Variants in LRRIQ1 observed in about 807,000 individuals in gnomAD.
The protein encoded by LRRIQ1 is leucine rich repeats and IQ motif containing 1, also known as leucine-rich repeat- and IQ domain-containing protein 1.
In LRRIQ1, 210 loss-of-function variants were observed where a neutral mutation model predicts 211.9. The observed-to-expected ratio is 0.99, with a 90% confidence interval of 0.89 to 1.11. LRRIQ1 has a LOEUF of 1.11. Among genes scored for constraint, LRRIQ1 ranks in the 50% most tolerant of loss-of-function variants. LRRIQ1 has a pLI of 0.00. For synonymous variants in LRRIQ1, 699 were observed against 650.1 expected, an observed-to-expected ratio of 1.08 and a Z score of -1.14; for missense variants, 2,136 against 1,939.5, an observed-to-expected ratio of 1.10 and a Z score of -1.90.
At chr12:85,163,234 C>T (rs1890988105) in intron 24 of LRRIQ1, among the ~76,000 whole-genome samples, 1 of 152,130 alleles carries the variant, frequency 6.6e-6, no homozygotes, top group South Asian at 2.1e-4. Context: ...ATACAATGAA[C>T]TCTACTATAT....
intron 24 of LRRIQ1, among the ~76,000 whole-genome samples, chr12:85,174,377 C>T (rs1312012684): frequency 3.3e-5 from 5 of 151,674 alleles, no homozygotes; most frequent in African/African-American, 7.3e-5. Context: ...AGACTCAGTT[C>T]AGGAGGTCCA....
At chr12:85,272,127 C>T in the LRRIQ1 span, among the ~76,000 whole-genome samples, 1 of 152,060 alleles carries the variant, frequency 6.6e-6, no homozygotes, top group Non-Finnish European at 1.5e-5. Context: ...TAGAGATGCC[C>T]AAAGAAGCTA....
downstream of LRRIQ1, among the ~76,000 whole-genome samples, chr12:85,249,031 A>G (rs1895820379): frequency 6.6e-6 from 1 of 151,812 alleles, no homozygotes; most frequent in Non-Finnish European, 1.5e-5. Context: ...TGTTTTAGAA[A>G]ACTAAACTAT....
downstream of LRRIQ1, among the ~76,000 whole-genome samples, chr12:85,266,173 G>A (rs1038201516): frequency 2.0e-5 from 3 of 151,996 alleles, no homozygotes; most frequent in African/African-American, 7.2e-5. Context: ...TAAGAAATAG[G>A]ATTAGCCCCT....
downstream of LRRIQ1, among the ~76,000 whole-genome samples, chr12:85,267,979 T>A (rs1896459486): frequency 6.6e-6 from 1 of 151,954 alleles, no homozygotes. Context: ...GCCCCTGGCC[T>A]AATATCTTGA....
chr12:85,145,221 A>G (rs956142944), intron 19 of LRRIQ1, among the ~76,000 whole-genome samples: 14 of 151,786 alleles, frequency 9.2e-5, no homozygotes, highest in Non-Finnish European at 1.9e-4. Flanking sequence ...AGTTTAGGGA[A>G]TATCAGAAAT....
At chr12:85,265,566 C>T (rs905807549), downstream of LRRIQ1, among the ~76,000 whole-genome samples, 3 of 151,848 alleles carry the variant, frequency 2.0e-5, no homozygotes, top group East Asian at 1.9e-4. Context: ...AGGCCCTTTC[C>T]GAGCACTGAA....
intron 24 of LRRIQ1, chr12:85,162,908 C>A (rs1475356410): frequency 2.6e-6 from 1 of 385,140 alleles, no homozygotes; most frequent in Non-Finnish European, 5.0e-6. Context: ...ATAGGCTTGG[C>A]AAAAACAGTT....
chr12:85,247,586 G>T (rs959042631), downstream of LRRIQ1, among the ~76,000 whole-genome samples: 1 of 151,514 alleles, frequency 6.6e-6, no homozygotes, highest in African/African-American at 2.4e-5. Context: ...TCTGTAAAAT[G>T]GGAATAGTAA....
At chr12:85,037,871 C>T (rs987418124) in intron 1 of LRRIQ1, among the ~76,000 whole-genome samples, 1 of 151,644 alleles carries the variant, frequency 6.6e-6, no homozygotes, top group Non-Finnish European at 1.5e-5. Flanking sequence ...ATAACTGAAA[C>T]AAAAATTTTA....
intron 15 of LRRIQ1, among the ~76,000 whole-genome samples, chr12:85,120,009 T>C (rs1887859451): frequency 6.6e-6 from 1 of 152,210 alleles, no homozygotes; most frequent in African/African-American, 2.4e-5. Context: ...TAGAAAATTT[T>C]AATTTTAATG....
chr12:85,042,234 C>A (rs949305601), intron 3 of LRRIQ1, among the ~76,000 whole-genome samples: 7 of 151,564 alleles, frequency 4.6e-5, no homozygotes, highest in African/African-American at 1.7e-4. Flanking sequence ...TTGTATATAA[C>A]TCTAACCTAA....
intron 24 of LRRIQ1, among the ~76,000 whole-genome samples, chr12:85,174,593 T>C (rs1891588653): frequency 6.7e-6 from 1 of 149,564 alleles, no homozygotes; most frequent in Non-Finnish European, 1.5e-5. Flanking sequence ...TCCCAGCTAC[T>C]TGGGACGCTG....
At position 85,052,169 on chromosome 12, in the gene LRRIQ1, A is replaced by G; in HGVS notation, c.679-8A>G. On this transcript the variant is annotated splice_polypyrimidine_tract_variant and splice_region_variant and intron_variant, in intron 6 of 26. Coordinates refer to ENST00000393217, the MANE Select transcript of LRRIQ1 (RefSeq NM_001079910.2). ...GTATAGTCATATTTATTATTATCAT[A>G]TGTTCAGCAAGAACAGGACAAGATG... The G allele has an allele frequency of 1.4e-6, 2 of 1,436,208 alleles. No individual in the cohort carries two copies. The highest frequency in any genetic ancestry group is 1.9e-6 in the Non-Finnish European group (2 of 1,051,154). The allele number at this position is 1,436,208 out of a possible 1,614,324, so 89.0% of individuals were successfully genotyped here. A position where few individuals can be genotyped will look rare whatever the true frequency, so the allele number is the denominator to read the frequency against.
At chr12:85,183,396 CATTTTA>C (rs1196393458) in intron 24 of LRRIQ1, among the ~76,000 whole-genome samples, 2 of 151,924 alleles carry the variant, frequency 1.3e-5, no homozygotes, top group Non-Finnish European at 2.9e-5. Flanking sequence ...AAAAAAAAAT[CATTTTA>C]ATTATCAATA....
downstream of LRRIQ1, among the ~76,000 whole-genome samples, chr12:85,246,321 C>G (rs969253362): frequency 6.6e-6 from 1 of 150,854 alleles, no homozygotes; most frequent in Non-Finnish European, 1.5e-5. Flanking sequence ...ATTTCAAAAT[C>G]TTTATTCCAT....
At chr12:85,119,151 G>A (rs1218813735) in intron 15 of LRRIQ1, among the ~76,000 whole-genome samples, 1 of 152,038 alleles carries the variant, frequency 6.6e-6, no homozygotes, top group East Asian at 1.9e-4. Context: ...CCTAAAATCT[G>A]TGCTTTGCCT....
intron 13 of LRRIQ1, among the ~76,000 whole-genome samples, chr12:85,099,991 C>T (rs1886222000): frequency 6.6e-6 from 1 of 151,782 alleles, no homozygotes; most frequent in Non-Finnish European, 1.5e-5. Flanking sequence ...CCAGAGCCAG[C>T]TCCATCAGAT....
intron 19 of LRRIQ1, among the ~76,000 whole-genome samples, chr12:85,145,870 T>A (rs966615814): frequency 6.6e-6 from 1 of 151,760 alleles, no homozygotes; most frequent in Non-Finnish European, 1.5e-5. Flanking sequence ...AAATCTGTCG[T>A]AAGTCATGCA....
Sources: allele counts gnomAD v4.1 joint callset (sites outside exome capture counted in the v4.1 genomes callset), GRCh38; gene constraint gnomAD v4.1.1; transcripts MANE v1.5; gene names NCBI Gene and HGNC (gene_info 2026-07-23, HGNC 2026-07-21).